The following STK39 variants were observed in gnomAD, a reference collection of about 807,000 sequenced individuals.
STK39 encodes the protein STE20/SPS1-related proline-alanine-rich protein kinase.
A neutral mutation model predicts 77.8 loss-of-function variants in STK39; 20 were observed. That is an observed-to-expected ratio of 0.26 (90% CI 0.18 to 0.37). The LOEUF (loss-of-function observed/expected upper bound fraction) is 0.37, where lower values mean the gene tolerates loss of function less well. Among genes scored for constraint, STK39 ranks in the 10% least tolerant of loss-of-function variants. STK39 has a pLI of 1.00. For synonymous variants in STK39, 246 were observed against 234.1 expected (o/e 1.05, Z -0.47); for missense variants, 479 against 656.5 (o/e 0.73, Z 2.95).
intron 5 of STK39, among the ~76,000 whole-genome samples, chr2:168,148,477 C>T (rs534668695): frequency 1.3e-5 from 2 of 152,304 alleles, no homozygotes; most frequent in South Asian, 4.1e-4. Context: ...GTGGACGTTG[C>T]GCTTCTGGGC....
intron 1 of STK39, among the ~76,000 whole-genome samples, chr2:168,184,405 G>T (rs1243279722): frequency 6.6e-6 from 1 of 152,168 alleles, no homozygotes; most frequent in East Asian, 1.9e-4. Flanking sequence ...AACATGGATG[G>T]ATTTAACCAT....
intron 1 of STK39, among the ~76,000 whole-genome samples, chr2:168,201,068 G>T (rs1218989686): frequency 6.6e-6 from 1 of 152,156 alleles, no homozygotes; most frequent in African/African-American, 2.4e-5. Flanking sequence ...CAACCGACAG[G>T]ACTTTAAAGG....
intron 1 of STK39, among the ~76,000 whole-genome samples, chr2:168,212,478 T>G (rs1267328648): frequency 1.3e-5 from 2 of 152,196 alleles, no homozygotes; most frequent in African/African-American, 4.8e-5. Context: ...GGAAAATTAC[T>G]CAACCTCTCT....
intron 8 of STK39, among the ~76,000 whole-genome samples, chr2:168,135,568 C>G (rs1687810390): frequency 2.0e-5 from 3 of 152,210 alleles, no homozygotes; most frequent in African/African-American, 7.2e-5. Flanking sequence ...ATGACAAAAG[C>G]AAAGGCAGAA....
At chr2:168,153,646 G>A (rs971689988) in intron 5 of STK39, among the ~76,000 whole-genome samples, 5 of 150,346 alleles carry the variant, frequency 3.3e-5, no homozygotes, top group Admixed American at 1.3e-4. Context: ...GGGTGGGGGG[G>A]GGTTACAATA....
intron 14 of STK39, among the ~76,000 whole-genome samples, chr2:168,054,625 C>T (rs553806147): frequency 6.6e-5 from 10 of 152,262 alleles, no homozygotes; most frequent in African/African-American, 1.7e-4. Context: ...TTGGTACCCA[C>T]GTAATAACAT....
chr2:167,984,644 A>C (rs1683510219), intron 16 of STK39, among the ~76,000 whole-genome samples: 1 of 152,194 alleles, frequency 6.6e-6, no homozygotes, highest in Non-Finnish European at 1.5e-5. Flanking sequence ...CATGCTAAAA[A>C]ATGTTAGTGT....
intron 16 of STK39, among the ~76,000 whole-genome samples, chr2:168,005,151 G>A (rs1469412773): frequency 1.3e-5 from 2 of 151,848 alleles, no homozygotes; most frequent in Non-Finnish European, 2.9e-5. Flanking sequence ...GATTACAGGT[G>A]TGCCCTACCA....
At chr2:168,215,322 AC>A (rs1185276553) in intron 1 of STK39, among the ~76,000 whole-genome samples, 2 of 152,132 alleles carry the variant, frequency 1.3e-5, no homozygotes, top group African/African-American at 4.8e-5. Flanking sequence ...GAGAAAAAAA[AC>A]GTTAGCTGGA....
At chr2:168,145,728 G>C (rs1248729374) in intron 5 of STK39, among the ~76,000 whole-genome samples, 2 of 152,148 alleles carry the variant, frequency 1.3e-5, no homozygotes, top group African/African-American at 4.8e-5. Context: ...CCACAACCTA[G>C]GTGGTCAGCT....
At chr2:168,024,942 C>T (rs1269067735) in intron 14 of STK39, among the ~76,000 whole-genome samples, 3 of 152,214 alleles carry the variant, frequency 2.0e-5, no homozygotes, top group Non-Finnish European at 4.4e-5. Flanking sequence ...CACCAGTGCA[C>T]ATCCCTTACC....
chr2:168,129,515 G>A (rs1458811691), intron 10 of STK39, 26 bp downstream of exon 10: 2 of 1,613,388 alleles, frequency 1.2e-6, no homozygotes, highest in Non-Finnish European at 1.7e-6. Context: ...GGTTCCTACA[G>A]GGTCATGAAG....
intron 12 of STK39, among the ~76,000 whole-genome samples, chr2:168,068,356 C>A (rs1486602233): frequency 2.0e-5 from 3 of 152,184 alleles, no homozygotes; most frequent in Admixed American, 2.0e-4. Flanking sequence ...TTTCGTAGAG[C>A]TCTGCCTAAT....
At chr2:168,006,283 AAC>A (rs1369883796) in intron 16 of STK39, among the ~76,000 whole-genome samples, 2 of 152,192 alleles carry the variant, frequency 1.3e-5, no homozygotes, top group African/African-American at 4.8e-5. Flanking sequence ...CAGGCCACAT[AAC>A]TGCTTAGCCT....
intron 10 of STK39, chr2:168,113,211 TA>T (rs1687166649): frequency 6.6e-6 from 1 of 152,180 alleles, no homozygotes; most frequent in Admixed American, 6.5e-5. Context: ...TCCCCCCCTC[TA>T]TTATACATCA....
intron 10 of STK39, among the ~76,000 whole-genome samples, chr2:168,122,706 G>A (rs1347260314): frequency 6.6e-6 from 1 of 151,852 alleles, no homozygotes; most frequent in Non-Finnish European, 1.5e-5. Context: ...CTAAGTGCTG[G>A]GATTACAAGT....
At chr2:168,119,139 G>T (rs1430583561) in intron 10 of STK39, among the ~76,000 whole-genome samples, 1 of 152,174 alleles carries the variant, frequency 6.6e-6, no homozygotes, top group East Asian at 1.9e-4. Context: ...GGTTTTAAGC[G>T]AGAGGATGGG....
intron 16 of STK39, among the ~76,000 whole-genome samples, chr2:167,970,452 C>T (rs1299294677): frequency 6.6e-6 from 1 of 152,146 alleles, no homozygotes; most frequent in African/African-American, 2.4e-5. Flanking sequence ...ATCCTCAAGG[C>T]CCTCTCCCCA....
chr2:168,158,659 G>A (rs549508849), intron 5 of STK39, among the ~76,000 whole-genome samples: 41 of 152,232 alleles, frequency 2.7e-4, no homozygotes, highest in African/African-American at 7.2e-4. Context: ...CCAAAGCATG[G>A]CTACACCGCT....
Sources: gnomAD v4.1 joint callset for allele counts (sites outside exome capture counted in the v4.1 genomes callset) on GRCh38, gnomAD v4.1.1 for gene constraint, MANE v1.5 for transcripts, NCBI Gene and HGNC (gene_info 2026-07-23, HGNC 2026-07-21) for gene names.